The following FTO variants were observed in gnomAD, a reference collection of about 807,000 sequenced individuals.
FTO encodes alpha-ketoglutarate-dependent dioxygenase FTO.
FTO carries 47 observed loss-of-function variants against 63.9 expected under a neutral mutation model. That is an observed-to-expected ratio of 0.74 (90% CI 0.58 to 0.94). The LOEUF (loss-of-function observed/expected upper bound fraction) is 0.94. Among genes scored for constraint, FTO ranks in the 40% least tolerant of loss-of-function variants. FTO has a pLI of 0.00. For missense variants in FTO, 562 were observed against 618.1 expected (o/e 0.91, Z 0.96); for synonymous variants, 207 against 224.4 (o/e 0.92, Z 0.69).
chr16:53,951,241 C>T (rs895023281), intron 8 of FTO, among the ~76,000 whole-genome samples: 8 of 152,162 alleles, frequency 5.3e-5, no homozygotes, highest in African/African-American at 1.9e-4. Flanking sequence ...AAGCTACCCC[C>T]CAACACAATG....
chr16:54,007,315 T>G (rs1006373415), intron 8 of FTO, among the ~76,000 whole-genome samples: 1 of 151,866 alleles, frequency 6.6e-6, no homozygotes, highest in African/African-American at 2.4e-5. Flanking sequence ...ATTTAAAAAA[T>G]AAAAGAAAAA....
chr16:53,899,635 C>T (rs1362570), intron 7 of FTO, among the ~76,000 whole-genome samples: 124,520 of 152,100 alleles, frequency 0.82, 52,342 homozygotes, highest in Middle Eastern at 0.93. Context: ...TCAGACAGAT[C>T]CCAGGAAAGG....
At chr16:54,068,706 T>C (rs1020303951) in intron 8 of FTO, among the ~76,000 whole-genome samples, 1 of 152,186 alleles carries the variant, frequency 6.6e-6, no homozygotes, top group African/African-American at 2.4e-5. Context: ...TTATCATTTT[T>C]ACTACTTACA....
intron 1 of FTO, among the ~76,000 whole-genome samples, chr16:53,789,058 C>G (rs2077826195): frequency 6.6e-6 from 1 of 152,188 alleles, no homozygotes; most frequent in Non-Finnish European, 1.5e-5. Context: ...TCTGTATATG[C>G]TCATCTACAT....
At chr16:54,051,673 C>T (rs1282228932) in intron 8 of FTO, among the ~76,000 whole-genome samples, 2 of 152,164 alleles carry the variant, frequency 1.3e-5, no homozygotes, top group Non-Finnish European at 2.9e-5. Flanking sequence ...TTTTAAATGC[C>T]CATGATCTCA....
intron 8 of FTO, chr16:54,072,642 G>A (rs1428812329): frequency 6.6e-6 from 1 of 152,306 alleles, no homozygotes; most frequent in Non-Finnish European, 1.5e-5. Context: ...AGCAGACTCT[G>A]AAATCTAGGT....
chr16:53,805,683 C>T (rs928190156), intron 1 of FTO, among the ~76,000 whole-genome samples: 4 of 152,144 alleles, frequency 2.6e-5, no homozygotes, highest in African/African-American at 9.7e-5. Flanking sequence ...CTCCTGAGCT[C>T]AGGTGATCGT....
At chr16:53,946,846 AG>A (rs1193153532) in intron 8 of FTO, among the ~76,000 whole-genome samples, 3 of 152,204 alleles carry the variant, frequency 2.0e-5, no homozygotes, top group African/African-American at 7.2e-5. Context: ...ACCCTCGGAA[AG>A]CATAGGTTTT....
chr16:53,983,046 A>G (rs1326515313), intron 8 of FTO, among the ~76,000 whole-genome samples: 3 of 152,150 alleles, frequency 2.0e-5, no homozygotes, highest in African/African-American at 7.2e-5. Flanking sequence ...CGAGCCTCAC[A>G]TGGTAAAGTA....
chr16:53,757,470 T>A (rs1326893113), intron 1 of FTO, among the ~76,000 whole-genome samples: 2 of 151,924 alleles, frequency 1.3e-5, no homozygotes, highest in East Asian at 3.8e-4. Flanking sequence ...TATATTCATA[T>A]ATGAATACAT....
At chr16:53,994,117 C>A (rs1370964644) in intron 8 of FTO, 1 of 152,138 alleles carries the variant, frequency 6.6e-6, no homozygotes, top group African/African-American at 2.4e-5. Flanking sequence ...TTAAAACTTT[C>A]ATTGACTCTC....
chr16:54,091,986 A>C (rs8057572), intron 8 of FTO, among the ~76,000 whole-genome samples: 41,224 of 152,218 alleles, frequency 0.27, 5,971 homozygotes, highest in Middle Eastern at 0.4. Flanking sequence ...CATTAGAAAA[A>C]AGAAAAAGGG....
chr16:54,048,019 A>G (rs1421837503), intron 8 of FTO, among the ~76,000 whole-genome samples: 3 of 74,118 alleles, frequency 4.0e-5, no homozygotes, highest in Non-Finnish European at 7.0e-5. Flanking sequence ...GCTAGATGAC[A>G]CGTTAGTGGG....
intron 8 of FTO, among the ~76,000 whole-genome samples, chr16:53,986,312 T>A (rs1159448128): frequency 6.6e-6 from 1 of 152,146 alleles, no homozygotes; most frequent in Non-Finnish European, 1.5e-5. Context: ...TTAAACAGGT[T>A]CGAGTTTTTC....
intron 8 of FTO, among the ~76,000 whole-genome samples, chr16:54,033,491 C>T (rs1367960580): frequency 6.6e-6 from 1 of 152,158 alleles, no homozygotes; most frequent in Admixed American, 6.5e-5. Flanking sequence ...GAATTTAATG[C>T]ATACAGTTGT....
intron 5 of FTO, among the ~76,000 whole-genome samples, chr16:53,877,407 T>C (rs1256962777): frequency 2.0e-5 from 3 of 152,216 alleles, no homozygotes; most frequent in Admixed American, 2.0e-4. Context: ...TGAATAACTC[T>C]TGAAAACATA....
chr16:53,819,320 C>A (rs1420028588), intron 2 of FTO, among the ~76,000 whole-genome samples: 2 of 152,132 alleles, frequency 1.3e-5, no homozygotes, highest in African/African-American at 4.8e-5. Flanking sequence ...CAGGTGCATG[C>A]CACCACACCT....
intron 8 of FTO, among the ~76,000 whole-genome samples, chr16:54,059,983 C>T (rs1431909482): frequency 6.6e-6 from 1 of 152,152 alleles, no homozygotes; most frequent in Non-Finnish European, 1.5e-5. Context: ...CCTTCCATTG[C>T]ATTTTGACAT....
rs182779791 is a variant in FTO, at chr16:53,882,244, A to G, written c.1119+2257A>G. ...ATTAATTACTGAGCACGTGCCAGAC[A>G]CTCTTCTGGGCGCTTTAGAATATAT... On this transcript the variant is annotated intron_variant, in intron 6 of 8. Transcript: ENST00000471389. Among the ~76,000 whole-genome samples, 3 of 152,158 alleles carry G rather than the reference A, an allele frequency of 2.0e-5. No homozygotes were observed. In the East Asian group the frequency reaches 5.8e-4, roughly 29 times the overall value.
Sources: allele counts gnomAD v4.1 joint callset (sites outside exome capture counted in the v4.1 genomes callset), GRCh38; gene constraint gnomAD v4.1.1; transcripts MANE v1.5; gene names NCBI Gene and HGNC (gene_info 2026-07-23, HGNC 2026-07-21).